Variants in CCDC85A observed in about 807,000 individuals in gnomAD.
CCDC85A encodes the protein coiled-coil domain containing 85A, also known as coiled-coil domain-containing protein 85A.
Under a neutral mutation model 50.2 loss-of-function variants are expected in CCDC85A, and 38 were observed. That is an observed-to-expected ratio of 0.76 (90% confidence interval 0.58 to 0.99). The LOEUF is 0.99. CCDC85A is among the 50% of genes least tolerant of loss of function. The probability of loss-of-function intolerance (pLI) is 0.00; values close to 1 mark genes in which losing one functional copy is unlikely to be tolerated. For missense variants in CCDC85A, 820 were observed against 742.0 expected (o/e 1.11, Z -1.22); for synonymous variants, 366 against 301.4 (o/e 1.21, Z -2.22).
chr2:56,256,021 C>T (rs60981048), intron 2 of CCDC85A, among the ~76,000 whole-genome samples: 3,533 of 152,020 alleles, frequency 0.023, 131 homozygotes, highest in African/African-American at 0.078. Flanking sequence ...ATGTACATAT[C>T]CTATGTAGAA....
chr2:56,305,490 T>C (rs1217181888), intron 2 of CCDC85A, among the ~76,000 whole-genome samples: 3 of 152,220 alleles, frequency 2.0e-5, no homozygotes, highest in Non-Finnish European at 2.9e-5. Flanking sequence ...TCTGTGTTTA[T>C]AGAATTGGAA....
At position 56,363,317 on chromosome 2, in the gene CCDC85A, TGGA is replaced by T. The variant is rs528832885; in HGVS notation, c.1318-9026_1318-9024del. ...CCAATTATGCAAAGGCTACACTGCC[TGGA>T]TTCTGGATTCATTTTGGCTACTCTC... On this transcript the variant is annotated intron_variant, in intron 3 of 5. Coordinates refer to ENST00000407595, the MANE Select transcript of CCDC85A (RefSeq NM_001080433.2). Among the ~76,000 whole-genome samples, 28 of 152,292 alleles carry T rather than the reference TGGA, an allele frequency of 1.8e-4. No homozygotes were observed. In the East Asian group the frequency reaches 4.7e-3, roughly 25 times the overall value.
At chr2:56,264,807 A>T (rs1670367725) in intron 2 of CCDC85A, among the ~76,000 whole-genome samples, 1 of 151,878 alleles carries the variant, frequency 6.6e-6, no homozygotes, top group Non-Finnish European at 1.5e-5. Flanking sequence ...AGCATGCTCC[A>T]CCTCACTCAT....
At chr2:56,364,681 A>G (rs1046938677) in intron 3 of CCDC85A, among the ~76,000 whole-genome samples, 17 of 152,172 alleles carry the variant, frequency 1.1e-4, no homozygotes, top group African/African-American at 4.1e-4. Context: ...TAGCATGACC[A>G]TTTAGCGAGT....
rs887188679 is a variant in CCDC85A at position 56,184,506 on chromosome 2, G to A, written c.-119G>A. ...CGCCCCAACCCAGCGGCCCCTGGGC[G>A]GTGCCGCTGACTCGCCGGAGCGCAC... is the stretch of plus-strand genomic sequence containing the variant. On this transcript the variant is annotated 5_prime_UTR_variant, in exon 1 of 6. Coordinates refer to ENST00000407595, the MANE Select transcript of CCDC85A (RefSeq NM_001080433.2). 18 of 1,136,432 alleles carry A rather than the reference G, an allele frequency of 1.6e-5. No homozygotes were observed. The highest frequency in any genetic ancestry group is 3.3e-5 in the East Asian group (1 of 29,936). 70.4% of individuals were successfully genotyped at this position (1,136,432 alleles called of 1,614,324 possible).
At chr2:56,357,032 TCA>T (rs1263939052) in intron 3 of CCDC85A, among the ~76,000 whole-genome samples, 1 of 147,178 alleles carries the variant, frequency 6.8e-6, no homozygotes, top group Non-Finnish European at 1.5e-5. Context: ...TGAGCTGAGA[TCA>T]CACCACTGCC....
chr2:56,212,180 G>A (rs901895178), intron 2 of CCDC85A, among the ~76,000 whole-genome samples: 3 of 151,986 alleles, frequency 2.0e-5, no homozygotes, highest in Non-Finnish European at 4.4e-5. Context: ...CTGGTATTCC[G>A]TCATTTTCAT....
At chr2:56,381,172 G>C (rs1171836845) in intron 5 of CCDC85A, among the ~76,000 whole-genome samples, 1 of 151,902 alleles carries the variant, frequency 6.6e-6, no homozygotes, top group African/African-American at 2.4e-5. Flanking sequence ...CTGCATATCT[G>C]TTGTCTGTTT....
intron 2 of CCDC85A, among the ~76,000 whole-genome samples, chr2:56,229,443 A>G (rs1257028277): frequency 6.6e-6 from 1 of 152,180 alleles, no homozygotes; most frequent in Non-Finnish European, 1.5e-5. Context: ...AATTATGGAA[A>G]AAGCTGTGGG....
Position 56,341,954 on chromosome 2 carries a change from G to T in CCDC85A, c.1241-925G>T, listed in dbSNP as rs548520762. ...AAATTTTTATTGGGAGAAATAAAGA[G>T]AACTGGATGTTTGAAAAATTTTGTT... On this transcript the variant is annotated intron_variant, in intron 2 of 5. Coordinates refer to ENST00000407595, the MANE Select transcript of CCDC85A (RefSeq NM_001080433.2). 3.3e-5 allele frequency among the ~76,000 whole-genome samples: 5 copies of T among 150,896 alleles called. No homozygotes were observed. The South Asian group carries it at 1.1e-3, about 32-fold the overall frequency.
intron 2 of CCDC85A, among the ~76,000 whole-genome samples, chr2:56,256,583 G>A (rs1422678775): frequency 6.6e-6 from 1 of 152,226 alleles, no homozygotes; most frequent in Non-Finnish European, 1.5e-5. Context: ...ATATTTTCTA[G>A]GGGATAGGTC....
chr2:56,311,829 C>T (rs13418444), intron 2 of CCDC85A, among the ~76,000 whole-genome samples: 7,270 of 152,142 alleles, frequency 0.048, 586 homozygotes, highest in African/African-American at 0.16. Context: ...GGTTTCATAG[C>T]GCTCTATTTC....
At chr2:56,240,265 T>A (rs749185996) in intron 2 of CCDC85A, among the ~76,000 whole-genome samples, 9 of 152,186 alleles carry the variant, frequency 5.9e-5, no homozygotes, top group Admixed American at 2.6e-4. Context: ...CAGCCTCTGA[T>A]TCAGCCTCCT....
At chr2:56,336,280 G>C (rs1192170165) in intron 2 of CCDC85A, among the ~76,000 whole-genome samples, 1 of 151,906 alleles carries the variant, frequency 6.6e-6, no homozygotes, top group African/African-American at 2.4e-5. Flanking sequence ...TCAGCCTCTC[G>C]AGTAGCGGGA....
intron 2 of CCDC85A, among the ~76,000 whole-genome samples, chr2:56,201,539 G>A (rs1676749088): frequency 6.6e-6 from 1 of 152,102 alleles, no homozygotes; most frequent in Non-Finnish European, 1.5e-5. Context: ...GGCTTTTAGG[G>A]AAACCCCTGA....
chr2:56,225,742 C>G (rs777261253), intron 2 of CCDC85A, among the ~76,000 whole-genome samples: 1 of 152,166 alleles, frequency 6.6e-6, no homozygotes, highest in Non-Finnish European at 1.5e-5. Context: ...GCCATCCTAA[C>G]AATATTAAAT....
chr2:56,238,561 A>T (rs985773674), intron 2 of CCDC85A, among the ~76,000 whole-genome samples: 1 of 152,128 alleles, frequency 6.6e-6, no homozygotes, highest in Non-Finnish European at 1.5e-5. Flanking sequence ...CATTTGTTGG[A>T]CATTGTACAG....
At chr2:56,336,692 A>G (rs1674091778) in intron 2 of CCDC85A, among the ~76,000 whole-genome samples, 1 of 152,202 alleles carries the variant, frequency 6.6e-6, no homozygotes, top group Non-Finnish European at 1.5e-5. Flanking sequence ...ACTGCCTTAG[A>G]AACAAAAGGG....
At chr2:56,275,947 C>G (rs959164781) in intron 2 of CCDC85A, among the ~76,000 whole-genome samples, 1 of 152,138 alleles carries the variant, frequency 6.6e-6, no homozygotes, top group Middle Eastern at 3.2e-3. Context: ...GGAGAAAAGA[C>G]TGAGTCAGAG....
Sources: allele counts gnomAD v4.1 joint callset (sites outside exome capture counted in the v4.1 genomes callset), GRCh38; gene constraint gnomAD v4.1.1; transcripts MANE v1.5; gene names NCBI Gene and HGNC (gene_info 2026-07-23, HGNC 2026-07-21).